CYP39A1: variants seen among roughly 807,000 people sequenced by gnomAD.
The protein encoded by CYP39A1 is 24-hydroxycholesterol 7-alpha-hydroxylase.
A neutral mutation model predicts 58.1 loss-of-function variants in CYP39A1; 49 were observed. That is an observed-to-expected ratio of 0.84 (90% CI 0.67 to 1.07). The LOEUF (loss-of-function observed/expected upper bound fraction) is 1.07, where lower values mean the gene tolerates loss of function less well. Ranked by LOEUF, CYP39A1 falls within the 50% of genes least tolerant of loss-of-function variation. The pLI is 0.00. For synonymous variants in CYP39A1, 209 were observed against 187.6 expected (o/e 1.11, Z -0.93); for missense variants, 531 against 539.4 (o/e 0.98, Z 0.16).
intron 6 of CYP39A1, among the ~76,000 whole-genome samples, chr6:46,629,952 C>A (rs189848306): frequency 6.6e-6 from 1 of 151,394 alleles, no homozygotes; most frequent in Non-Finnish European, 1.5e-5. Flanking sequence ...GTTTTTTAGC[C>A]GGGCCCAGTA....
At position 46,615,081 on chromosome 6, in the gene CYP39A1, T is replaced by A. The variant is rs1372447232; in HGVS notation, c.931+10337A>T. On this transcript the variant is annotated intron_variant, in intron 7 of 11. Coordinates refer to ENST00000275016, the MANE Select transcript of CYP39A1 (RefSeq NM_016593.5). ...AAGTCTTATTTTCATGGTAATATCC[T>A]AGTTTCAAGGAAGGCAAGGAAAACA... Among the ~76,000 whole-genome samples the A allele has an allele frequency of 2.0e-5, 3 of 152,158 alleles. No individual in the cohort carries two copies. In the East Asian group the frequency reaches 5.8e-4, roughly 29 times the overall value.
In CYP39A1 at chr6:46,600,556, G is replaced by C. The variant is rs1773428335; in HGVS notation, c.932-4436C>G. The stretch of plus-strand genomic sequence containing the variant: ...CCCATTCCCCAGCCTCTGGGGAAGG[G>C]AGGTGGGCTGGGGATTCAGCTAGTC... On this transcript the variant is annotated intron_variant, in intron 7 of 11. Coordinates refer to ENST00000275016, the MANE Select transcript of CYP39A1 (RefSeq NM_016593.5). Among the ~76,000 whole-genome samples, 5 of 152,130 alleles carry C rather than the reference G, an allele frequency of 3.3e-5. No homozygotes were observed. In the South Asian group the frequency reaches 1.0e-3, roughly 31 times the overall value.
At chr6:46,617,098 G>A (rs761856807) in intron 7 of CYP39A1, among the ~76,000 whole-genome samples, 14 of 152,148 alleles carry the variant, frequency 9.2e-5, no homozygotes, top group African/African-American at 3.4e-4. Context: ...TCTGGTTAAA[G>A]TGCCCTGGTT....
intron 11 of CYP39A1, among the ~76,000 whole-genome samples, chr6:46,551,417 T>C (rs974619044): frequency 3.1e-4 from 47 of 151,776 alleles, no homozygotes; most frequent in African/African-American, 1.1e-3. Flanking sequence ...CCCATTGTGT[T>C]AGCAAAAATG....
At chr6:46,592,490 A>G (rs1772898865) in intron 8 of CYP39A1, among the ~76,000 whole-genome samples, 1 of 152,202 alleles carries the variant, frequency 6.6e-6, no homozygotes, top group South Asian at 2.1e-4. Flanking sequence ...TTAGTAATGT[A>G]TACAAGGATT....
chr6:46,587,551 G>T (rs1048765224), intron 9 of CYP39A1, among the ~76,000 whole-genome samples: 4 of 152,136 alleles, frequency 2.6e-5, no homozygotes, highest in African/African-American at 9.7e-5. Flanking sequence ...CAGAATGAAT[G>T]CATCTGGATG....
chr6:46,624,452 T>C (rs9472808), intron 7 of CYP39A1, among the ~76,000 whole-genome samples: 7,991 of 152,200 alleles, frequency 0.053, 445 homozygotes, highest in African/African-American at 0.14. Context: ...TCACCATTTC[T>C]ATAAGGTCCA....
At chr6:46,637,302 C>G (rs1776048558) in intron 4 of CYP39A1, among the ~76,000 whole-genome samples, 1 of 152,178 alleles carries the variant, frequency 6.6e-6, no homozygotes, top group Non-Finnish European at 1.5e-5. Context: ...TATAAGCCTC[C>G]CAGTCTATGA....
intron 10 of CYP39A1, among the ~76,000 whole-genome samples, chr6:46,562,276 G>A (rs548278475): frequency 8.6e-4 from 131 of 152,012 alleles, no homozygotes; most frequent in Non-Finnish European, 1.5e-3. Context: ...ACCCACCTTG[G>A]CCTCCCAAAG....
intron 8 of CYP39A1, among the ~76,000 whole-genome samples, chr6:46,595,055 T>TA (rs542347646): frequency 2.0e-5 from 3 of 151,800 alleles, no homozygotes; most frequent in Non-Finnish European, 4.4e-5. Flanking sequence ...CCAACAGGTA[T>TA]AAAAAAATGC....
intron 7 of CYP39A1, among the ~76,000 whole-genome samples, chr6:46,611,470 C>T (rs146395872): frequency 1.6e-3 from 238 of 152,296 alleles, no homozygotes; most frequent in African/African-American, 5.5e-3. Context: ...TCCATCAGTA[C>T]GTGCACATAT....
chr6:46,602,936 C>T (rs1462675283), intron 7 of CYP39A1, among the ~76,000 whole-genome samples: 3 of 135,084 alleles, frequency 2.2e-5, no homozygotes, highest in Non-Finnish European at 3.1e-5. Context: ...GGGGGGGGAG[C>T]TTTATTTCTT....
At chr6:46,647,345 G>A (rs1394126531) in intron 1 of CYP39A1, among the ~76,000 whole-genome samples, 2 of 152,158 alleles carry the variant, frequency 1.3e-5, no homozygotes, top group Non-Finnish European at 2.9e-5. Flanking sequence ...AGAGAAAGTA[G>A]ATTTTAACTC....
At chr6:46,642,115 G>A in intron 2 of CYP39A1, 48 bp downstream of exon 2, 1 of 1,599,440 alleles carries the variant, frequency 6.3e-7, no homozygotes, top group East Asian at 2.2e-5. Flanking sequence ...AACTACTCCT[G>A]GATTCCAATG....
chr6:46,564,641 A>C (rs1275451545), intron 10 of CYP39A1, among the ~76,000 whole-genome samples: 1 of 152,148 alleles, frequency 6.6e-6, no homozygotes, highest in African/African-American at 2.4e-5. Context: ...TATTGGGGAA[A>C]ATTGATGATT....
chr6:46,612,234 G>A (rs1476906653), intron 7 of CYP39A1, among the ~76,000 whole-genome samples: 2 of 152,152 alleles, frequency 1.3e-5, no homozygotes, highest in Non-Finnish European at 2.9e-5. Flanking sequence ...GGGTATTAAA[G>A]GTAGAAAACA....
At chr6:46,644,910 G>C (rs146157366) in intron 1 of CYP39A1, among the ~76,000 whole-genome samples, 1 of 151,964 alleles carries the variant, frequency 6.6e-6, no homozygotes, top group Admixed American at 6.6e-5. Context: ...ACATCTTTTC[G>C]TGTACCAATT....
At chr6:46,579,162 C>T (rs1771993942) in intron 10 of CYP39A1, among the ~76,000 whole-genome samples, 1 of 152,006 alleles carries the variant, frequency 6.6e-6, no homozygotes, top group Admixed American at 6.6e-5. Flanking sequence ...ATAAAACTTA[C>T]TTTGTTTACT....
chr6:46,606,689 A>C (rs768854663), intron 7 of CYP39A1, among the ~76,000 whole-genome samples: 1 of 152,212 alleles, frequency 6.6e-6, no homozygotes, highest in Non-Finnish European at 1.5e-5. Flanking sequence ...AAAATCAAGT[A>C]AAAGAAATGA....
Sources: allele counts gnomAD v4.1 joint callset (sites outside exome capture counted in the v4.1 genomes callset), GRCh38; gene constraint gnomAD v4.1.1; transcripts MANE v1.5; gene names NCBI Gene and HGNC (gene_info 2026-07-23, HGNC 2026-07-21).